CNTNAP2: variants seen among roughly 807,000 people sequenced by gnomAD.
The protein encoded by CNTNAP2 is contactin associated protein 2, also known as contactin-associated protein-like 2.
Under a neutral mutation model 155.2 loss-of-function variants are expected in CNTNAP2, and 98 were observed. That is an observed-to-expected ratio of 0.63 (90% CI 0.54 to 0.75). CNTNAP2 has a LOEUF of 0.75. CNTNAP2 is among the 30% of genes least tolerant of loss of function. The pLI, the probability that CNTNAP2 is intolerant of heterozygous loss-of-function variation, is 0.00. For synonymous variants in CNTNAP2, 651 were observed against 631.2 expected, an observed-to-expected ratio of 1.03 and a Z score of -0.47; for missense variants, 1,727 against 1,688.1, an observed-to-expected ratio of 1.02 and a Z score of -0.40.
chr7:146,559,932 T>A (rs1289649200), intron 1 of CNTNAP2, among the ~76,000 whole-genome samples: 1 of 152,208 alleles, frequency 6.6e-6, no homozygotes, highest in Admixed American at 6.5e-5. Context: ...CATTTACATA[T>A]CTATACCTTT....
intron 12 of CNTNAP2, among the ~76,000 whole-genome samples, chr7:147,631,379 G>T (rs956014843): frequency 6.6e-6 from 1 of 152,144 alleles, no homozygotes; most frequent in African/African-American, 2.4e-5. Flanking sequence ...TGGATGGGTA[G>T]AATCAATACT....
Position 147,086,576 on chromosome 7 carries a change from G to T in CNTNAP2, c.551-21571G>T, listed in dbSNP as rs149749807. On this transcript the variant is annotated intron_variant, in intron 4 of 23. Coordinates refer to ENST00000361727, the MANE Select transcript of CNTNAP2 (RefSeq NM_014141.6). Reference sequence around the variant, plus strand: ...TCAGCCTCCTAAGTAGCTGAAAACAGGCATGCACCACCATATGTAGCTAAT... The same window carrying T: ...TCAGCCTCCTAAGTAGCTGAAAACATGCATGCACCACCATATGTAGCTAAT... Among the ~76,000 whole-genome samples the T allele has an allele frequency of 2.6e-5, 4 of 152,042 alleles. No individual in the cohort carries two copies. In the East Asian group the frequency reaches 5.8e-4, roughly 22 times the overall value.
At chr7:147,759,725 G>T (rs1797270155) in intron 13 of CNTNAP2, among the ~76,000 whole-genome samples, 3 of 152,154 alleles carry the variant, frequency 2.0e-5, no homozygotes, top group African/African-American at 7.2e-5. Flanking sequence ...GTTTCTAAGT[G>T]ATGCATGTAG....
At chr7:147,780,814 T>G (rs1231658046) in intron 13 of CNTNAP2, among the ~76,000 whole-genome samples, 1 of 152,240 alleles carries the variant, frequency 6.6e-6, no homozygotes. Context: ...GCTTCAGGTA[T>G]GTGCCTTAGG....
intron 13 of CNTNAP2, among the ~76,000 whole-genome samples, chr7:147,700,852 C>G (rs138423750): frequency 1.3e-3 from 199 of 152,266 alleles, no homozygotes; most frequent in African/African-American, 4.5e-3. Flanking sequence ...AACTATTACT[C>G]ATCATTTGGC....
chr7:147,000,927 A>G lies in CNTNAP2; in HGVS notation c.403-42980A>G, dbSNP rs544268985. On this transcript the variant is annotated intron_variant, in intron 3 of 23. Coordinates refer to ENST00000361727, the MANE Select transcript of CNTNAP2 (RefSeq NM_014141.6). ...GGCCTGGGGGTTCCTATCTTGCACTATGGTGGGTCTAAAGGATCAGGCTAC... is the reference window on the plus strand; with the variant it reads ...GGCCTGGGGGTTCCTATCTTGCACTGTGGTGGGTCTAAAGGATCAGGCTAC... 9.2e-5 allele frequency among the ~76,000 whole-genome samples: 14 copies of G among 152,168 alleles called. No homozygotes were observed. The East Asian group carries it at 1.7e-3, about 19-fold the overall frequency.
intron 13 of CNTNAP2, among the ~76,000 whole-genome samples, chr7:147,781,389 C>T (rs1207219775): frequency 6.6e-6 from 1 of 152,156 alleles, no homozygotes; most frequent in Non-Finnish European, 1.5e-5. Flanking sequence ...TTACACTGCT[C>T]ACCCTTGAGA....
At chr7:147,807,749 G>T (rs1007055159) in intron 13 of CNTNAP2, among the ~76,000 whole-genome samples, 1 of 152,152 alleles carries the variant, frequency 6.6e-6, no homozygotes, top group Non-Finnish European at 1.5e-5. Flanking sequence ...AATAGATCAG[G>T]TTTTCTAGAA....
At chr7:147,766,848 T>A (rs578203477) in intron 13 of CNTNAP2, among the ~76,000 whole-genome samples, 4 of 152,116 alleles carry the variant, frequency 2.6e-5, no homozygotes, top group African/African-American at 9.6e-5. Flanking sequence ...AATCAACTAA[T>A]AGTTTTTTAT....
intron 21 of CNTNAP2, among the ~76,000 whole-genome samples, chr7:148,301,421 A>T (rs959648937): frequency 2.0e-5 from 3 of 150,208 alleles, no homozygotes; most frequent in African/African-American, 7.3e-5. Flanking sequence ...CAGTGACATT[A>T]TCTGTGAAAT....
At position 146,287,857 on chromosome 7, in the gene CNTNAP2, A is replaced by G. The variant is rs567700157; in HGVS notation, c.97+170884A>G. On this transcript the variant is annotated intron_variant, in intron 1 of 23. Transcript: ENST00000361727. Reference sequence around the variant, plus strand: ...TAACTTTGTGTTAAAAATTATTGTTATCTTACCTGGAGAAAGACATCTCTA... The same window carrying G: ...TAACTTTGTGTTAAAAATTATTGTTGTCTTACCTGGAGAAAGACATCTCTA... Among the ~76,000 whole-genome samples, 9 of 152,294 alleles carry G rather than the reference A, an allele frequency of 5.9e-5. No individual in the cohort carries two copies. The East Asian group carries it at 7.7e-4, about 13-fold the overall frequency.
At chr7:148,162,310 T>C (rs1257791873) in intron 17 of CNTNAP2, among the ~76,000 whole-genome samples, 1 of 152,242 alleles carries the variant, frequency 6.6e-6, no homozygotes, top group African/African-American at 2.4e-5. Flanking sequence ...TCTAGGCTGA[T>C]ATATTTGACA....
intron 12 of CNTNAP2, among the ~76,000 whole-genome samples, chr7:147,589,304 G>T (rs867698333): frequency 2.0e-5 from 3 of 152,134 alleles, no homozygotes; most frequent in Non-Finnish European, 2.9e-5. Flanking sequence ...CATGCACAAA[G>T]TTCGACTGAT....
intron 1 of CNTNAP2, among the ~76,000 whole-genome samples, chr7:146,198,181 C>T (rs1000314942): frequency 6.6e-6 from 1 of 152,140 alleles, no homozygotes; most frequent in African/African-American, 2.4e-5. Context: ...ACAGGCAAAT[C>T]ATATCATCAA....
intron 1 of CNTNAP2, among the ~76,000 whole-genome samples, chr7:146,503,297 C>T (rs574238280): frequency 1.1e-4 from 16 of 152,278 alleles, no homozygotes; most frequent in African/African-American, 3.4e-4. Flanking sequence ...TTGTCCAACC[C>T]GCAGCCTATG....
intron 3 of CNTNAP2, among the ~76,000 whole-genome samples, chr7:146,848,266 T>C (rs1794800561): frequency 6.6e-6 from 1 of 152,182 alleles, no homozygotes; most frequent in Admixed American, 6.5e-5. Flanking sequence ...GGAATAAGCA[T>C]CAGCATTTGT....
At chr7:148,265,053 G>T (rs1175313783) in intron 20 of CNTNAP2, among the ~76,000 whole-genome samples, 1 of 152,154 alleles carries the variant, frequency 6.6e-6, no homozygotes, top group Non-Finnish European at 1.5e-5. Context: ...CTAAGGCATT[G>T]CCAGGTAGGC....
chr7:146,386,410 A>T (rs929832072), intron 1 of CNTNAP2, among the ~76,000 whole-genome samples: 2 of 152,174 alleles, frequency 1.3e-5, no homozygotes, highest in Non-Finnish European at 2.9e-5. Context: ...TTTTTTTGAA[A>T]CAGAGTCTAG....
chr7:148,312,891 T>G, intron 21 of CNTNAP2, among the ~76,000 whole-genome samples: 2 of 121,018 alleles, frequency 1.7e-5, no homozygotes, highest in African/African-American at 3.3e-5. Flanking sequence ...CCTATACTTG[T>G]GGGTTAAGGT....
Sources: gnomAD v4.1 joint callset for allele counts (sites outside exome capture counted in the v4.1 genomes callset) on GRCh38, gnomAD v4.1.1 for gene constraint, MANE v1.5 for transcripts, NCBI Gene and HGNC (gene_info 2026-07-23, HGNC 2026-07-21) for gene names.